The following COQ3 variants were observed in gnomAD, a reference collection of about 807,000 sequenced individuals.
COQ3 encodes the protein coenzyme Q3, methyltransferase, also known as ubiquinone biosynthesis O-methyltransferase, mitochondrial.
In COQ3, 29 loss-of-function variants were observed where a neutral mutation model predicts 33.1. The ratio of observed to expected loss-of-function variants is 0.88; its 90% CI spans 0.65 to 1.19. COQ3 has a LOEUF of 1.19. Ranked by LOEUF, COQ3 falls within the 50% of genes most tolerant of loss-of-function variation. COQ3 has a pLI of 0.00. For synonymous variants in COQ3, 173 were observed against 157.8 expected, an observed-to-expected ratio of 1.10 and a Z score of -0.72; for missense variants, 437 against 430.7, an observed-to-expected ratio of 1.01 and a Z score of -0.13.
chr6:99,383,762 T>C lies in COQ3; in HGVS notation c.169A>G (p.Arg57Gly). Reference protein sequence around the residue: ...QIKPGVFNEYRTIWFKSYRTI... With the variant: ...QIKPGVFNEYGTIWFKSYRTI... ...CTGTAGGATTTGAACCATATGGTTC[T>C]GTATTCATTGAAAACCCCTGGTTTA... Residue 57 changes from arginine (R) to glycine (G), a missense_variant, in exon 2 of 7, where the codon AGA (arginine) becomes GGA (glycine). Coordinates refer to ENST00000254759, the MANE Select transcript of COQ3 (RefSeq NM_017421.4). The C allele has an allele frequency of 3.1e-6, 5 of 1,600,944 alleles. No homozygotes were observed. The highest frequency in any genetic ancestry group is 1.1e-5 in the South Asian group (1 of 88,428).
chr6:99,388,263 A>T (rs1192757195), intron 1 of COQ3, among the ~76,000 whole-genome samples: 1 of 152,254 alleles, frequency 6.6e-6, no homozygotes. Context: ...ACAATGAACA[A>T]GTGGAAGGCA....
intron 1 of COQ3, among the ~76,000 whole-genome samples, chr6:99,385,304 C>T (rs1446610668): frequency 6.6e-6 from 1 of 152,156 alleles, no homozygotes; most frequent in African/African-American, 2.4e-5. Context: ...TCAATAAAAT[C>T]TACTTAAAAT....
chr6:99,381,599 A>G (rs943402749), intron 2 of COQ3, among the ~76,000 whole-genome samples: 1 of 152,078 alleles, frequency 6.6e-6, no homozygotes, highest in Non-Finnish European at 1.5e-5. Flanking sequence ...CTCATCCTTC[A>G]GATCTTAGTT....
chr6:99,369,636 GC>G lies in COQ3; in HGVS notation c.1073del (p.Cys358SerfsTer10). 1 of 1,614,022 alleles carries G rather than the reference GC, an allele frequency of 6.2e-7. No individual in the cohort carries two copies. The highest frequency in any genetic ancestry group is 1.1e-5 in the South Asian group (1 of 91,072). On this transcript the variant is annotated frameshift_variant, in exon 7 of 7. Transcript: ENST00000254759. LOFTEE classifies it high-confidence loss of function. ...GETEELQANA[C>X]TNPAVHEKLK... ...GCTTTTCATGCACAGCTGGATTGGT[GC>G]AGGCATTAGCTTGGAGCTCTTCTGT...
At chr6:99,387,808 T>C (rs1774695837) in intron 1 of COQ3, among the ~76,000 whole-genome samples, 1 of 152,194 alleles carries the variant, frequency 6.6e-6, no homozygotes, top group Non-Finnish European at 1.5e-5. Context: ...GTCCCTATTG[T>C]CTATGTAGAA....
intron 1 of COQ3, among the ~76,000 whole-genome samples, chr6:99,388,229 A>T (rs1295128840): frequency 6.6e-6 from 1 of 152,162 alleles, no homozygotes; most frequent in African/African-American, 2.4e-5. Context: ...AACACAAAAA[A>T]GTCAGTCTTG....
intron 2 of COQ3, among the ~76,000 whole-genome samples, chr6:99,381,960 C>A (rs979032615): frequency 6.6e-6 from 1 of 151,344 alleles, no homozygotes; most frequent in Non-Finnish European, 1.5e-5. Flanking sequence ...CCTTGATCCT[C>A]AAAACTGGGT....
At position 99,383,704 on chromosome 6, in the gene COQ3, CT is replaced by C; in HGVS notation, c.226del (p.Ser76ValfsTer22). The C allele has an allele frequency of 6.3e-7, 1 of 1,576,866 alleles. No individual in the cohort carries two copies. Among genetic ancestry groups the C allele is most frequent in the Non-Finnish European group, 8.6e-7 (1 of 1,167,372 alleles). ...ACAGTAATAATAAACCCACCTGAAA[CT>C]CTTTATTCTGTTCAAACAGGAAAAG... ...TIFSCLNRIK[S>X]FRYPWARLYS... is the part of the protein sequence containing the mutation. On this transcript the variant is annotated frameshift_variant, in exon 2 of 7. Coordinates refer to ENST00000254759, the MANE Select transcript of COQ3 (RefSeq NM_017421.4). LOFTEE classifies it high-confidence loss of function.
At chr6:99,371,653 T>C (rs760134484) in intron 5 of COQ3, 66 bp from the exon 6 acceptor site, 22 of 1,033,706 alleles carry the variant, frequency 2.1e-5, no homozygotes, top group Admixed American at 8.2e-5. Context: ...AAGTAAAAGC[T>C]GTTTCCCCCT....
intron 1 of COQ3, among the ~76,000 whole-genome samples, chr6:99,388,891 G>GCACACA (rs59478225): frequency 3.7e-4 from 39 of 106,318 alleles, no homozygotes; most frequent in South Asian, 6.5e-4. Flanking sequence ...ATGTATACAC[G>GCACACA]CACACACACA....
At position 99,369,539 on chromosome 6, in the gene COQ3, C is replaced by T; in HGVS notation, c.*61G>A. 6.2e-6 allele frequency: 7 copies of T among 1,126,786 alleles called. No homozygotes were observed. The South Asian group carries it at 9.9e-5, about 16-fold the overall frequency. 69.8% of individuals were successfully genotyped at this position (1,126,786 alleles called of 1,614,324 possible). A position where few individuals can be genotyped will look rare whatever the true frequency, so the allele number is the denominator to read the frequency against. ...ATTCTCTCTCAAAGGATAAATTGTA[C>T]ATTTTTGTATTTGAAAACATCAGAT... On this transcript the variant is annotated 3_prime_UTR_variant, in exon 7 of 7. Coordinates refer to ENST00000254759, the MANE Select transcript of COQ3 (RefSeq NM_017421.4).
chr6:99,371,506 C>T lies in COQ3; in HGVS notation c.811G>A (p.Ala271Thr). 1 of 1,605,608 alleles carries T rather than the reference C, an allele frequency of 6.2e-7. No homozygotes were observed. The highest frequency in any genetic ancestry group is 8.5e-7 in the Non-Finnish European group (1 of 1,174,694). Reference sequence around the variant, plus strand: ...TGAGTACCTTTTGGTACAATACTTGCAATTTGCTCTGAAAAAACAATTCCC... The same window carrying T: ...TGAGTACCTTTTGGTACAATACTTGTAATTTGCTCTGAAAAAACAATTCCC... Reference protein sequence around the residue: ...ALGIVFSEQIASIVPKGTHTW... With the variant: ...ALGIVFSEQITSIVPKGTHTW... Residue 271 changes from alanine (A) to threonine (T), a missense_variant, in exon 6 of 7, where the codon GCA (alanine) becomes ACA (threonine). Transcript: ENST00000254759.
At chr6:99,393,973 C>G (rs888820814) in intron 1 of COQ3, 101 bp downstream of exon 1, 2 of 942,102 alleles carry the variant, frequency 2.1e-6, no homozygotes, top group African/African-American at 3.3e-5. Flanking sequence ...TGACCCCTCG[C>G]GAGGTCCAGA....
chr6:99,371,552 T>C lies in COQ3; in HGVS notation c.765A>G (p.Lys255=). 2 of 1,605,580 alleles carry C rather than the reference T, an allele frequency of 1.2e-6. No individual in the cohort carries two copies. Among genetic ancestry groups the C allele is most frequent in the Non-Finnish European group, 1.7e-6 (2 of 1,176,208 alleles). ...GGSLFITTIN[K]TQLSYALGIV... ...TTCCCAAGGCATAGGAAAGTTGTGT[T>C]TTGTTGATTGTAGTAATGAATAAAG... Residue 255 remains lysine (K), a synonymous_variant, in exon 6 of 7, where the codon AAA becomes AAG. Coordinates refer to ENST00000254759, the MANE Select transcript of COQ3 (RefSeq NM_017421.4).
chr6:99,375,479 G>T (rs79898096), intron 5 of COQ3, among the ~76,000 whole-genome samples: 44,446 of 151,342 alleles, frequency 0.29, 6,721 homozygotes, highest in East Asian at 0.46. Flanking sequence ...CACCTCCAGG[G>T]TTCAAGCAAT....
At chr6:99,389,383 C>G (rs1272104749) in intron 1 of COQ3, among the ~76,000 whole-genome samples, 1 of 152,182 alleles carries the variant, frequency 6.6e-6, no homozygotes. Flanking sequence ...CCTCAGCCTC[C>G]CAAAGTGTTG....
At position 99,369,480 on chromosome 6, in the gene COQ3, T is replaced by C; in HGVS notation, c.*120A>G. 1 of 808,514 alleles carries C rather than the reference T, an allele frequency of 1.2e-6. No homozygotes were observed. Among genetic ancestry groups the C allele is most frequent in the Admixed American group, 2.6e-5 (1 of 37,786 alleles). The allele number at this position is 808,514 out of a possible 1,614,324, so 50.1% of individuals were successfully genotyped here. On this transcript the variant is annotated 3_prime_UTR_variant, in exon 7 of 7. Transcript: ENST00000254759. ...AATAACAAAAACTTTTGTCCAAGGT[T>C]TTAGCCCTTTTTATTGACCTTCTTT...
intron 5 of COQ3, 146 bp downstream of exon 5, chr6:99,375,794 C>T: frequency 2.7e-6 from 2 of 749,914 alleles, no homozygotes; most frequent in Non-Finnish European, 4.3e-6. Context: ...AGCAGAGATG[C>T]TGTCCCCTCA....
chr6:99,391,846 A>C (rs1005846709), intron 1 of COQ3, among the ~76,000 whole-genome samples: 1 of 152,124 alleles, frequency 6.6e-6, no homozygotes, highest in African/African-American at 2.4e-5. Context: ...TAAAAATATA[A>C]AAATTAGCCA....
Sources: allele counts gnomAD v4.1 joint callset (sites outside exome capture counted in the v4.1 genomes callset), GRCh38; gene constraint gnomAD v4.1.1; transcripts MANE v1.5; gene names NCBI Gene and HGNC (gene_info 2026-07-23, HGNC 2026-07-21).